The following SATL1 variants were observed in gnomAD, a reference collection of about 807,000 sequenced individuals.
The protein encoded by SATL1 is spermidine/spermine N(1)-acetyltransferase-like protein 1.
A neutral mutation model predicts 51.8 loss-of-function variants in SATL1; 47 were observed. The ratio of observed to expected loss-of-function variants is 0.91; its 90% CI spans 0.72 to 1.16. The LOEUF (loss-of-function observed/expected upper bound fraction) is 1.16. Among genes scored for constraint, SATL1 ranks in the 50% most tolerant of loss-of-function variants. SATL1 has a pLI of 0.00. For missense variants in SATL1, 520 were observed against 526.4 expected, an observed-to-expected ratio of 0.99 and a Z score of 0.12; for synonymous variants, 176 against 182.4, an observed-to-expected ratio of 0.97 and a Z score of 0.28.
At chrX:85,195,538 C>G (rs189063649) in intron 2 of SATL1, among the ~76,000 whole-genome samples, 1 of 111,470 alleles carries the variant, frequency 9.0e-6, no homozygotes, top group African/African-American at 3.3e-5. Context: ...ATAGGCTGGG[C>G]GCAGTGGCTC....
intron 2 of SATL1, among the ~76,000 whole-genome samples, chrX:85,218,211 G>A (rs1459209042): frequency 9.1e-6 from 1 of 109,661 alleles, no homozygotes; most frequent in Non-Finnish European, 1.9e-5. Flanking sequence ...ACACCAAATC[G>A]CTGTAACACA....
At chrX:85,145,086 G>A (rs1235663415) in intron 2 of SATL1, among the ~76,000 whole-genome samples, 1 of 110,849 alleles carries the variant, frequency 9.0e-6, no homozygotes, top group Non-Finnish European at 1.9e-5. Flanking sequence ...CAAGAGATGT[G>A]GCTGAGCTGC....
At chrX:85,140,212 C>T (rs948801481) in intron 2 of SATL1, among the ~76,000 whole-genome samples, 4 of 111,912 alleles carry the variant, frequency 3.6e-5, no homozygotes, top group African/African-American at 1.3e-4. Flanking sequence ...TGTGTCATGT[C>T]CTGCTCACCT....
At position 85,108,217 on chromosome X, in the gene SATL1, G is replaced by C; in HGVS notation, c.752C>G (p.Ser251Ter). 2 of 1,211,724 alleles carry C rather than the reference G, an allele frequency of 1.7e-6. No homozygotes were observed. Among genetic ancestry groups the C allele is most frequent in the Non-Finnish European group, 2.2e-6 (2 of 895,529 alleles). Residue 251 changes from serine to a stop codon, truncating the protein, a stop_gained, in exon 3 of 8, where the codon TCA becomes TGA. Transcript: ENST00000644105. LOFTEE classifies it high-confidence loss of function. Reference sequence around the variant, plus strand: ...TGTTTGGTTGGAATCTGATAAACTTGATTGGTTTGCGTCTGGTTGGCTCAT... The same window carrying C: ...TGTTTGGTTGGAATCTGATAAACTTCATTGGTTTGCGTCTGGTTGGCTCAT... The part of the protein sequence containing the change: ...TDMSQPDANQ[S>*]SLSDSNQTGI...
chrX:85,220,885 A>T, intron 2 of SATL1, among the ~76,000 whole-genome samples: 1 of 109,611 alleles, frequency 9.1e-6, no homozygotes, highest in Non-Finnish European at 1.9e-5. Flanking sequence ...TCCTAAATAG[A>T]TCTCAAATAT....
intron 1 of SATL1, among the ~76,000 whole-genome samples, chrX:85,232,176 C>T (rs1928393823): frequency 9.1e-6 from 1 of 109,503 alleles, no homozygotes; most frequent in African/African-American, 3.3e-5. Context: ...CTAGACACAA[C>T]CTGGGCCAGA....
intron 2 of SATL1, among the ~76,000 whole-genome samples, chrX:85,184,637 T>C (rs776215601): frequency 8.9e-6 from 1 of 112,255 alleles, no homozygotes; most frequent in Non-Finnish European, 1.9e-5. Context: ...AGTGTGTCAA[T>C]TGCATTTTTC....
chrX:85,175,807 A>C (rs1465720907), intron 2 of SATL1, among the ~76,000 whole-genome samples: 2 of 111,071 alleles, frequency 1.8e-5, no homozygotes, highest in African/African-American at 3.3e-5. Context: ...ATTGCAAGGC[A>C]ACCTGGTAAA....
In SATL1 at chrX:85,103,929, T is replaced by G; in HGVS notation, c.1642-14A>C. 1 of 1,138,486 alleles carries G rather than the reference T, an allele frequency of 8.8e-7. No homozygotes were observed. The highest frequency in any genetic ancestry group is 1.2e-6 in the Non-Finnish European group (1 of 830,901). 93.8% of individuals were successfully genotyped at this position (1,138,486 alleles called of 1,213,427 possible). A position where few individuals can be genotyped will look rare whatever the true frequency, so the allele number is the denominator to read the frequency against. ...GGCAGCCAATTCCTGTCAAAGTAGA[T>G]AAAACCTTCAGTTTATGATTTAGCA... On this transcript the variant is annotated splice_polypyrimidine_tract_variant and intron_variant, in intron 3 of 7. Coordinates refer to ENST00000644105, the MANE Select transcript of SATL1 (RefSeq NM_001367857.2).
chrX:85,213,407 T>C (rs1725828990), intron 2 of SATL1, among the ~76,000 whole-genome samples: 1 of 111,949 alleles, frequency 8.9e-6, no homozygotes, highest in Non-Finnish European at 1.9e-5. Flanking sequence ...TGTTTAAAAA[T>C]ATCAATCAGA....
At position 85,107,478 on chromosome X, in the gene SATL1, G is replaced by T. The variant is rs756246895; in HGVS notation, c.1491C>A (p.Asn497Lys). 5.8e-6 allele frequency: 7 copies of T among 1,210,841 alleles called. No individual in the cohort carries two copies. Among genetic ancestry groups the T allele is most frequent in the Non-Finnish European group, 7.8e-6 (7 of 895,388 alleles). Reference sequence around the variant, plus strand: ...GGCCTGGTTGGCTCAGCACTAATTGGTTCAGGTCTTGTTGGCTCAGGCCTG... The same window carrying T: ...GGCCTGGTTGGCTCAGCACTAATTGTTTCAGGTCTTGTTGGCTCAGGCCTG... ...SQPGLSQQDL[N>K]QLVLSQPGLS... The change falls in exon 3 of 8, where the codon AAC (asparagine) becomes AAA (lysine). Residue 497 changes from asparagine (N) to lysine (K), a missense_variant. Physicochemically the swap from Asn to Lys is moderately conservative, Grantham distance 94 (BLOSUM62 0). Around this residue, in one of 3 missense-constraint regions of SATL1, gnomAD observed 488 missense variants for 474.3 expected, o/e 1.03. Transcript: ENST00000644105.
chrX:85,167,837 C>G (rs1035103448), intron 2 of SATL1, among the ~76,000 whole-genome samples: 1 of 110,888 alleles, frequency 9.0e-6, no homozygotes, highest in African/African-American at 3.3e-5. Context: ...AACCAGAAAA[C>G]TTCAGGCCTA....
At chrX:85,147,284 G>T (rs1264147856) in intron 2 of SATL1, among the ~76,000 whole-genome samples, 1 of 111,807 alleles carries the variant, frequency 8.9e-6, no homozygotes, top group Non-Finnish European at 1.9e-5. Flanking sequence ...GCCCGCCATT[G>T]CCCAGGCTTG....
intron 2 of SATL1, among the ~76,000 whole-genome samples, chrX:85,196,939 G>A (rs1027998101): frequency 3.6e-5 from 4 of 111,749 alleles, no homozygotes; most frequent in African/African-American, 1.3e-4. Context: ...ATAAGCAATG[G>A]TTTCTTAGAT....
intron 2 of SATL1, among the ~76,000 whole-genome samples, chrX:85,129,701 G>A (rs1925727941): frequency 9.0e-6 from 1 of 111,643 alleles, no homozygotes; most frequent in Admixed American, 9.6e-5. Context: ...GGAGTCGTGA[G>A]AGAGGGCATC....
At chrX:85,167,511 C>G (rs1223485202) in intron 2 of SATL1, among the ~76,000 whole-genome samples, 1 of 111,530 alleles carries the variant, frequency 9.0e-6, no homozygotes, top group East Asian at 2.8e-4. Context: ...ATGAACACAT[C>G]TATGCACACA....
chrX:85,242,856 T>C (rs1366551659), intron 1 of SATL1, among the ~76,000 whole-genome samples: 1 of 112,400 alleles, frequency 8.9e-6, no homozygotes, highest in Non-Finnish European at 1.9e-5. Context: ...CTCCTCATTC[T>C]GCTGAACGTG....
intron 2 of SATL1, among the ~76,000 whole-genome samples, chrX:85,165,585 G>A (rs1219147498): frequency 9.0e-6 from 1 of 110,747 alleles, no homozygotes; most frequent in Non-Finnish European, 1.9e-5. Flanking sequence ...CATTGCTGAA[G>A]ACCTAATGTA....
At chrX:85,197,489 T>TATTTATTTA (rs1555962351) in intron 2 of SATL1, among the ~76,000 whole-genome samples, 4 of 110,604 alleles carry the variant, frequency 3.6e-5, no homozygotes, top group Non-Finnish European at 7.6e-5. Flanking sequence ...TTTATTTATT[T>TATTTATTTA]ATTTATTTTA....
Sources: allele counts gnomAD v4.1 joint callset (sites outside exome capture counted in the v4.1 genomes callset), GRCh38; gene constraint gnomAD v4.1.1; regional missense constraint gnomAD v4.1.1; transcripts MANE v1.5; gene names NCBI Gene and HGNC (gene_info 2026-07-23, HGNC 2026-07-21).